CLASP2: variants seen among roughly 807,000 people sequenced by gnomAD.
The protein encoded by CLASP2 is cytoplasmic linker associated protein 2, also known as CLIP-associating protein 2.
In CLASP2, 47 loss-of-function variants were observed where a neutral mutation model predicts 194.4. The ratio of observed to expected loss-of-function variants is 0.24; its 90% CI spans 0.19 to 0.31. The LOEUF is 0.31. Ranked by LOEUF, CLASP2 falls within the 10% of genes least tolerant of loss-of-function variation. CLASP2 has a pLI of 1.00. For synonymous variants in CLASP2, 619 were observed against 633.5 expected, an observed-to-expected ratio of 0.98 and a Z score of 0.34; for missense variants, 1,445 against 1,823.6, an observed-to-expected ratio of 0.79 and a Z score of 3.78.
intron 29 of CLASP2, 64 bp from the exon 30 acceptor site, chr3:33,551,459 T>A: frequency 6.7e-7 from 1 of 1,486,678 alleles, no homozygotes; most frequent in Non-Finnish European, 9.1e-7. Flanking sequence ...TAGAGAACAT[T>A]TCAAAAATAA....
At chr3:33,537,612 A>G (rs1342734355) in intron 33 of CLASP2, among the ~76,000 whole-genome samples, 1 of 152,210 alleles carries the variant, frequency 6.6e-6, no homozygotes. Context: ...ATAATATTAA[A>G]TATGTAAGAA....
At chr3:33,574,847 A>C (rs565270358) in intron 24 of CLASP2, among the ~76,000 whole-genome samples, 2 of 152,162 alleles carry the variant, frequency 1.3e-5, no homozygotes, top group Non-Finnish European at 2.9e-5. Context: ...TTTCCTAAAA[A>C]TTGGTAGTTG....
At position 33,706,709 on chromosome 3, in the gene CLASP2, C is replaced by T. The variant is rs1305549002; in HGVS notation, c.196-9776G>A. On this transcript the variant is annotated intron_variant, in intron 1 of 38. Coordinates refer to ENST00000682230, the MANE Select transcript of CLASP2 (RefSeq NM_001365631.1). The stretch of plus-strand genomic sequence containing the variant: ...AGGTGTAGTGGCTCATGCCTGTAAT[C>T]CCAGCACTTTGAGATGCCAAGACGG... 2.0e-5 allele frequency among the ~76,000 whole-genome samples: 3 copies of T among 152,000 alleles called. No individual in the cohort carries two copies. In the East Asian group the frequency reaches 5.8e-4, roughly 29 times the overall value.
chr3:33,660,232 A>G (rs1219217631), intron 7 of CLASP2, among the ~76,000 whole-genome samples: 1 of 152,342 alleles, frequency 6.6e-6, no homozygotes, highest in South Asian at 2.1e-4. Context: ...AGCGCCTGCC[A>G]TAATCGCAGG....
chr3:33,510,983 T>C (rs929019074), intron 36 of CLASP2, among the ~76,000 whole-genome samples: 1 of 152,002 alleles, frequency 6.6e-6, no homozygotes, highest in African/African-American at 2.4e-5. Flanking sequence ...ATGGGCTTTA[T>C]TACACTATTC....
At chr3:33,507,584 T>C (rs2048623956) in intron 37 of CLASP2, among the ~76,000 whole-genome samples, 1 of 152,138 alleles carries the variant, frequency 6.6e-6, no homozygotes, top group Admixed American at 6.5e-5. Flanking sequence ...TGAGCTCAAG[T>C]GATCCTCCCA....
intron 27 of CLASP2, among the ~76,000 whole-genome samples, chr3:33,564,168 A>C (rs1219916110): frequency 1.3e-5 from 2 of 152,182 alleles, no homozygotes; most frequent in Non-Finnish European, 2.9e-5. Flanking sequence ...CTTGTGTGTC[A>C]CCAATTAGAA....
At chr3:33,612,340 T>C (rs2075341150) in intron 12 of CLASP2, among the ~76,000 whole-genome samples, 1 of 152,122 alleles carries the variant, frequency 6.6e-6, no homozygotes, top group Non-Finnish European at 1.5e-5. Flanking sequence ...GTTAAGACAA[T>C]ATAGTTTTGG....
Position 33,579,014 on chromosome 3 carries a change from T to A in CLASP2, c.2348-2739A>T, listed in dbSNP as rs150751159. 8.5e-5 allele frequency among the ~76,000 whole-genome samples: 13 copies of A among 152,300 alleles called. No homozygotes were observed. In the East Asian group the frequency reaches 2.5e-3, roughly 29 times the overall value. On this transcript the variant is annotated intron_variant, in intron 23 of 38. Coordinates refer to ENST00000682230, the MANE Select transcript of CLASP2 (RefSeq NM_001365631.1). ...AAATAATAGAAAGGACCAAAGAATG[T>A]AGGCAAATGTAGCAGAGAATGGGAA...
chr3:33,553,224 T>C (rs1576344136), intron 29 of CLASP2, among the ~76,000 whole-genome samples: 1 of 152,184 alleles, frequency 6.6e-6, no homozygotes, highest in South Asian at 2.1e-4. Context: ...CTGACACTTG[T>C]ACATTTTTCC....
chr3:33,649,698 A>T (rs1231455278), intron 7 of CLASP2, among the ~76,000 whole-genome samples: 2 of 152,182 alleles, frequency 1.3e-5, no homozygotes, highest in Non-Finnish European at 2.9e-5. Flanking sequence ...GACTCTTCCC[A>T]CCAAAAGCTG....
At chr3:33,624,896 C>T (rs912796417) in intron 10 of CLASP2, among the ~76,000 whole-genome samples, 3 of 151,856 alleles carry the variant, frequency 2.0e-5, no homozygotes, top group African/African-American at 4.8e-5. Context: ...ACATTTCTCC[C>T]CATCACAATG....
intron 20 of CLASP2, 73 bp downstream of exon 20, chr3:33,594,878 A>G (rs915396282): frequency 4.8e-6 from 4 of 829,778 alleles, no homozygotes; most frequent in Non-Finnish European, 6.8e-6. Context: ...TTTTAGTTCT[A>G]ATATTTAATT....
In CLASP2 at chr3:33,587,644, T is replaced by A. The variant is rs2067708377; in HGVS notation, c.2069-2724A>T. On this transcript the variant is annotated intron_variant, in intron 21 of 38. Coordinates refer to ENST00000682230, the MANE Select transcript of CLASP2 (RefSeq NM_001365631.1). ...GTAAGGAAATTATTCAAGTGTATTTTAAAATAGCTCATTTGAATGTTTCAT... is the reference window on the plus strand; with the variant it reads ...GTAAGGAAATTATTCAAGTGTATTTAAAAATAGCTCATTTGAATGTTTCAT... Among the ~76,000 whole-genome samples, 3 of 152,234 alleles carry A rather than the reference T, an allele frequency of 2.0e-5. No individual in the cohort carries two copies. The South Asian group carries it at 6.2e-4, about 32-fold the overall frequency.
chr3:33,701,647 A>C (rs1186935951), intron 1 of CLASP2, among the ~76,000 whole-genome samples: 2 of 152,198 alleles, frequency 1.3e-5, no homozygotes, highest in African/African-American at 4.8e-5. Context: ...CAGTCCAAAA[A>C]TAGACATACA....
intron 36 of CLASP2, among the ~76,000 whole-genome samples, chr3:33,511,570 C>G (rs984724280): frequency 1.1e-4 from 16 of 152,098 alleles, no homozygotes; most frequent in African/African-American, 3.9e-4. Flanking sequence ...TACTATTCCT[C>G]CTTGTTTTCC....
At chr3:33,609,346 T>C (rs1183230462) in intron 13 of CLASP2, among the ~76,000 whole-genome samples, 3 of 152,194 alleles carry the variant, frequency 2.0e-5, no homozygotes, top group Admixed American at 6.5e-5. Flanking sequence ...TAAACATCTA[T>C]GCACTTGACA....
intron 35 of CLASP2, among the ~76,000 whole-genome samples, chr3:33,516,570 G>A (rs2051375018): frequency 6.6e-6 from 1 of 152,154 alleles, no homozygotes; most frequent in African/African-American, 2.4e-5. Context: ...AGGAGGCTGA[G>A]GCAGGAGAAT....
At chr3:33,713,295 G>A (rs1257606113) in intron 1 of CLASP2, among the ~76,000 whole-genome samples, 3 of 152,034 alleles carry the variant, frequency 2.0e-5, no homozygotes, top group African/African-American at 4.8e-5. Flanking sequence ...GGGAGAAGGG[G>A]TAATTAAAAG....
Sources: gnomAD v4.1 joint callset for allele counts (sites outside exome capture counted in the v4.1 genomes callset) on GRCh38, gnomAD v4.1.1 for gene constraint, MANE v1.5 for transcripts, NCBI Gene and HGNC (gene_info 2026-07-23, HGNC 2026-07-21) for gene names.